Variants in NOMO3 observed in about 807,000 individuals in gnomAD.
NOMO3 encodes NODAL modulator 3, also known as BOS complex subunit NOMO3.
Under a neutral mutation model 69.9 loss-of-function variants are expected in NOMO3, and 15 were observed. That is an observed-to-expected ratio of 0.21 (90% CI 0.14 to 0.33). The LOEUF (loss-of-function observed/expected upper bound fraction) is 0.33. Ranked by LOEUF, NOMO3 falls within the 10% of genes least tolerant of loss-of-function variation. NOMO3 has a pLI of 1.00. For missense variants in NOMO3, 218 were observed against 761.0 expected (o/e 0.29, Z 8.39); for synonymous variants, 89 against 301.9 (o/e 0.29, Z 7.31).
chr16:16,258,200 TAAAG>T (rs1164136049), intron 11 of NOMO3, among the ~76,000 whole-genome samples: 2 of 141,682 alleles, frequency 1.4e-5, no homozygotes, highest in African/African-American at 5.8e-5. Flanking sequence ...TAAAAATAAA[TAAAG>T]AGATAAAAAT....
rs529815421 is a variant in NOMO3 at position 16,246,560 on chromosome 16, C to G, written c.510-835C>G. Among the ~76,000 whole-genome samples the G allele has an allele frequency of 1.0e-4, 14 of 135,390 alleles. 3 individuals are homozygous for G. The highest frequency in any genetic ancestry group is 3.4e-3 in the Middle Eastern group (1 of 298). The allele number at this position is 135,390 out of a possible 152,430, so 88.8% of individuals were successfully genotyped here. The stretch of plus-strand genomic sequence containing the variant: ...AAATAGAACCTCAATCTTACCAATA[C>G]TTGTAGTAATGTGATTTCCAAGACC... On this transcript the variant is annotated intron_variant, in intron 5 of 30. Transcript: ENST00000399336.
chr16:16,265,413 G>C, intron 15 of NOMO3: 1 of 608,930 alleles, frequency 1.6e-6, no homozygotes, highest in Non-Finnish European at 2.7e-6. Flanking sequence ...AATCTGACTG[G>C]TGATTCGGGG....
In NOMO3 at chr16:16,237,518, C is replaced by T. The variant is rs1257433829; in HGVS notation, c.255+528C>T. Among the ~76,000 whole-genome samples, 9 of 143,658 alleles carry T rather than the reference C, an allele frequency of 6.3e-5. 2 individuals carry two copies. Among genetic ancestry groups the T allele is most frequent in the African/African-American group, 2.0e-4 (7 of 35,658 alleles). The allele number at this position is 143,658 out of a possible 152,430, so 94.2% of individuals were successfully genotyped here. A position where few individuals can be genotyped will look rare whatever the true frequency, so the allele number is the denominator to read the frequency against. ...TTACCTCCCTCTGTAGTGATAACCT[C>T]TGATAATCTGATAAAGGTTTTTTTT... On this transcript the variant is annotated intron_variant, in intron 2 of 30. Coordinates refer to ENST00000399336, the MANE Select transcript of NOMO3 (RefSeq NM_001004067.4).
intron 2 of NOMO3, among the ~76,000 whole-genome samples, chr16:16,239,246 G>A (rs1335596525): frequency 6.9e-6 from 1 of 144,044 alleles, no homozygotes; most frequent in Non-Finnish European, 1.5e-5. Context: ...GACCTCCTGG[G>A]CTCAAGTGAT....
At chr16:16,262,809 T>C (rs391098) in intron 12 of NOMO3, among the ~76,000 whole-genome samples, 25,617 of 139,550 alleles carry the variant, frequency 0.18, 3,962 homozygotes, top group Middle Eastern at 0.22. Flanking sequence ...GTGTCCGCGT[T>C]GCGGGCCTGT....
chr16:16,238,931 T>C (rs1478366616), intron 2 of NOMO3, among the ~76,000 whole-genome samples: 1 of 134,422 alleles, frequency 7.4e-6, no homozygotes, highest in African/African-American at 3.3e-5. Context: ...ACAAAAAAAT[T>C]AGCCGGGTGT....
At chr16:16,265,673 T>A (rs1247044476) in intron 15 of NOMO3, among the ~76,000 whole-genome samples, 17 of 25,096 alleles carry the variant, frequency 6.8e-4, no homozygotes, top group South Asian at 2.1e-3. Context: ...TATATATATT[T>A]TTTTTTTTTT....
intron 2 of NOMO3, among the ~76,000 whole-genome samples, chr16:16,237,759 A>G (rs2049339643): frequency 6.9e-6 from 1 of 144,170 alleles, no homozygotes; most frequent in South Asian, 2.2e-4. Flanking sequence ...CATGTTGGCT[A>G]GGCTGGTCTC....
At chr16:16,264,947 T>C (rs2049596733) in intron 14 of NOMO3, 96 bp from the exon 15 acceptor site, 2 of 761,310 alleles carry the variant, frequency 2.6e-6, no homozygotes, top group Admixed American at 3.0e-5. Context: ...ACCTGCTTTT[T>C]AAAATTAGTT....
At chr16:16,250,369 T>C (rs2049452211) in intron 6 of NOMO3, among the ~76,000 whole-genome samples, 1 of 99,024 alleles carries the variant, frequency 1.0e-5, no homozygotes, top group Non-Finnish European at 1.8e-5. Context: ...TATAGAGGAA[T>C]ATAAAGCAGT....
chr16:16,237,558 T>C lies in NOMO3; in HGVS notation c.255+568T>C, dbSNP rs2141245903. Among the ~76,000 whole-genome samples, 2 of 142,936 alleles carry C rather than the reference T, an allele frequency of 1.4e-5. 1 individual carries two copies. Among genetic ancestry groups the C allele is most frequent in the East Asian group, 4.5e-4 (2 of 4,478 alleles). 93.8% of individuals were successfully genotyped at this position (142,936 alleles called of 152,430 possible). ...AGGTTTTTTTTGTTGTTTTTTTTTT[T>C]CTTCTTTTGAGTTGGAGTCTCGCTC... On this transcript the variant is annotated intron_variant, in intron 2 of 30. Transcript: ENST00000399336.
At chr16:16,254,801 C>A (rs2049496061) in intron 9 of NOMO3, among the ~76,000 whole-genome samples, 1 of 145,072 alleles carries the variant, frequency 6.9e-6, no homozygotes, top group Non-Finnish European at 1.5e-5. Flanking sequence ...AACTCAGTAA[C>A]TGCAGAGAAA....
intron 15 of NOMO3, among the ~76,000 whole-genome samples, chr16:16,266,023 G>C (rs1358354508): frequency 6.9e-6 from 1 of 144,728 alleles, no homozygotes; most frequent in Non-Finnish European, 1.5e-5. Flanking sequence ...CCAGTGCAGG[G>C]GAAGAAGCTG....
intron 2 of NOMO3, among the ~76,000 whole-genome samples, chr16:16,237,536 T>G (rs888156384): frequency 7.0e-6 from 1 of 142,220 alleles, no homozygotes; most frequent in Non-Finnish European, 1.5e-5. Flanking sequence ...CTGATAAAGG[T>G]TTTTTTTGTT....
At position 16,261,063 on chromosome 16, in the gene NOMO3, T is replaced by C. The variant is rs558252930; in HGVS notation, c.1221-439T>C. On this transcript the variant is annotated intron_variant, in intron 11 of 30. Transcript: ENST00000399336. ...ACGTCTTTGATAATCCTGACTTATT[T>C]GATGGCCTGGTAATGCCACAGTTTC... 1.2e-5 allele frequency: 2 copies of C among 172,360 alleles called. 1 individual carries two copies. The highest frequency in any genetic ancestry group is 5.6e-5 in the African/African-American group (2 of 35,952). 10.7% of individuals were successfully genotyped at this position (172,360 alleles called of 1,614,324 possible). A position where few individuals can be genotyped will look rare whatever the true frequency, so the allele number is the denominator to read the frequency against.
At position 16,266,349 on chromosome 16, in the gene NOMO3, G is replaced by C. The variant is rs1465207196; in HGVS notation, c.1807-695G>C. ...ATATTTAGGAAACCTTTCCCTTCCAGCAGTGGAGTGGATTTCCAGCTCTCT... is the reference window on the plus strand; with the variant it reads ...ATATTTAGGAAACCTTTCCCTTCCACCAGTGGAGTGGATTTCCAGCTCTCT... On this transcript the variant is annotated intron_variant, in intron 15 of 30. Coordinates refer to ENST00000399336, the MANE Select transcript of NOMO3 (RefSeq NM_001004067.4). 2.8e-4 allele frequency among the ~76,000 whole-genome samples: 36 copies of C among 129,704 alleles called. 2 individuals carry two copies. Among genetic ancestry groups the C allele is most frequent in the African/African-American group, 1.2e-3 (36 of 28,948 alleles). The allele number at this position is 129,704 out of a possible 152,430, so 85.1% of individuals were successfully genotyped here.
intron 5 of NOMO3, among the ~76,000 whole-genome samples, chr16:16,246,520 G>A (rs1236715167): frequency 3.8e-5 from 5 of 130,318 alleles, no homozygotes; most frequent in Non-Finnish European, 7.8e-5. Context: ...GTAGCACTGG[G>A]CTATTATGAA....
Position 16,268,027 on chromosome 16 carries a change from T to G in NOMO3, c.1894+896T>G, listed in dbSNP as rs1483045460. Among the ~76,000 whole-genome samples, 3 of 132,920 alleles carry G rather than the reference T, an allele frequency of 2.3e-5. 1 individual carries two copies. The highest frequency in any genetic ancestry group is 4.5e-5 in the Non-Finnish European group (3 of 66,222). 87.2% of individuals were successfully genotyped at this position (132,920 alleles called of 152,430 possible). ...TGGTATTTTGTTTGGCTTCTTTTAT[T>G]TAACATGTTTTTGAAGTTTATCTGT... On this transcript the variant is annotated intron_variant, in intron 16 of 30. Coordinates refer to ENST00000399336, the MANE Select transcript of NOMO3 (RefSeq NM_001004067.4).
chr16:16,256,293 A>G, intron 11 of NOMO3, 135 bp downstream of exon 11: 3 of 1,357,764 alleles, frequency 2.2e-6, no homozygotes, highest in Non-Finnish European at 2.9e-6. Flanking sequence ...TTTTTTTTTG[A>G]GAGACAGAGT....
Sources: allele counts gnomAD v4.1 joint callset (sites outside exome capture counted in the v4.1 genomes callset), GRCh38; gene constraint gnomAD v4.1.1; transcripts MANE v1.5; gene names NCBI Gene and HGNC (gene_info 2026-07-23, HGNC 2026-07-21).